Variants in MYO1D observed in about 807,000 individuals in gnomAD.
MYO1D encodes the protein unconventional myosin-Id.
MYO1D carries 83 observed loss-of-function variants against 122.0 expected under a neutral mutation model. That is an observed-to-expected ratio of 0.68 (90% CI 0.57 to 0.82). The LOEUF (loss-of-function observed/expected upper bound fraction) is 0.82, where lower values mean the gene tolerates loss of function less well. Ranked by LOEUF, MYO1D falls within the 40% of genes least tolerant of loss-of-function variation. The probability of loss-of-function intolerance (pLI) is 0.00; values close to 1 mark genes in which losing one functional copy is unlikely to be tolerated. For missense variants in MYO1D, 1,157 were observed against 1,269.5 expected, an observed-to-expected ratio of 0.91 and a Z score of 1.35; for synonymous variants, 464 against 446.9, an observed-to-expected ratio of 1.04 and a Z score of -0.48.
intron 1 of MYO1D, among the ~76,000 whole-genome samples, chr17:32,832,671 A>G (rs1391673315): frequency 6.6e-6 from 1 of 152,224 alleles, no homozygotes; most frequent in Non-Finnish European, 1.5e-5. Flanking sequence ...AGAGCAAGCT[A>G]AGAAAAAATT....
In MYO1D at chr17:32,795,584, G is replaced by A. The variant is rs186467102; in HGVS notation, c.96-14800C>T. Among the ~76,000 whole-genome samples, 300 of 152,188 alleles carry A rather than the reference G, an allele frequency of 2.0e-3. 1 individual carries two copies. The highest frequency in any genetic ancestry group is 3.5e-3 in the Non-Finnish European group (237 of 68,006). Reference sequence around the variant, plus strand: ...ACAATAAAGAAGCTATACAATGTCAGCACATGAATAAATCACCATAGCATT... The same window carrying A: ...ACAATAAAGAAGCTATACAATGTCAACACATGAATAAATCACCATAGCATT... On this transcript the variant is annotated intron_variant, in intron 1 of 21. Coordinates refer to ENST00000318217, the MANE Select transcript of MYO1D (RefSeq NM_015194.3).
rs904841608 is a variant in MYO1D, at chr17:32,849,669, G to T, written c.95+27109C>A. On this transcript the variant is annotated intron_variant, in intron 1 of 21. Coordinates refer to ENST00000318217, the MANE Select transcript of MYO1D (RefSeq NM_015194.3). ...CACACTCTGGGGACTGTTGTGGGGTGGGGGGAGAGGGGAGGGATAGCATTG... is the reference window on the plus strand; with the variant it reads ...CACACTCTGGGGACTGTTGTGGGGTTGGGGGAGAGGGGAGGGATAGCATTG... Among the ~76,000 whole-genome samples, 48 of 151,202 alleles carry T rather than the reference G, an allele frequency of 3.2e-4. 1 individual carries two copies. Among genetic ancestry groups the T allele is most frequent in the Middle Eastern group, 6.8e-3 (2 of 294 alleles).
chr17:32,588,294 A>G (rs1476814342), intron 21 of MYO1D, among the ~76,000 whole-genome samples: 1 of 152,192 alleles, frequency 6.6e-6, no homozygotes, highest in East Asian at 1.9e-4. Context: ...TGGCACTGCT[A>G]TCTGGGAGGA....
intron 16 of MYO1D, among the ~76,000 whole-genome samples, chr17:32,707,597 A>G (rs113130782): frequency 6.6e-5 from 10 of 152,208 alleles, no homozygotes; most frequent in African/African-American, 2.4e-4. Context: ...AGCAGGCCTG[A>G]GACTACTATG....
chr17:32,780,765 A>G lies in MYO1D; in HGVS notation c.115T>C (p.Tyr39His), dbSNP rs199663238. Residue 39 changes from tyrosine (Y) to histidine (H), a missense_variant, in exon 2 of 22, where the codon TAT becomes CAT. By Grantham distance (83) the Tyr-to-His change is moderately conservative. Transcript: ENST00000318217. ...ACGACGACTTCTCCAATGAACGTAT[A>G]GATGCGCCCTTTTTCAAATCTGTAC... ...LRLRFEKGRIYTFIGEVVVSV... is the reference protein window; with the variant it reads ...LRLRFEKGRIHTFIGEVVVSV... 206 of 1,614,074 alleles carry G rather than the reference A, an allele frequency of 1.3e-4. No homozygotes were observed. Among genetic ancestry groups the G allele is most frequent in the Non-Finnish European group, 1.4e-4 (170 of 1,180,032 alleles).
intron 11 of MYO1D, among the ~76,000 whole-genome samples, chr17:32,751,005 G>C (rs1470287114): frequency 6.6e-6 from 1 of 152,096 alleles, no homozygotes; most frequent in African/African-American, 2.4e-5. Flanking sequence ...TACACTAATG[G>C]AACATTCTTA....
intron 1 of MYO1D, among the ~76,000 whole-genome samples, chr17:32,810,728 C>T (rs1019578208): frequency 7.2e-5 from 11 of 152,228 alleles, no homozygotes; most frequent in South Asian, 4.1e-4. Context: ...CTGCCTGCCT[C>T]GGCCTCCCAC....
chr17:32,858,711 T>C (rs1469194623), intron 1 of MYO1D, among the ~76,000 whole-genome samples: 1 of 152,210 alleles, frequency 6.6e-6, no homozygotes. Flanking sequence ...GTAACAATAA[T>C]CTTTTTTTCT....
intron 15 of MYO1D, among the ~76,000 whole-genome samples, chr17:32,718,570 G>A (rs548672134): frequency 2.0e-5 from 3 of 152,076 alleles, no homozygotes; most frequent in East Asian, 1.9e-4. Flanking sequence ...GTGTGGTGAC[G>A]CGCCCCTGTA....
chr17:32,629,811 A>T (rs2087980087), intron 20 of MYO1D, among the ~76,000 whole-genome samples: 1 of 151,980 alleles, frequency 6.6e-6, no homozygotes, highest in South Asian at 2.1e-4. Flanking sequence ...TTTGGAAATG[A>T]GTGGAGTGTG....
At chr17:32,872,633 C>T (rs2151094507) in intron 1 of MYO1D, among the ~76,000 whole-genome samples, 1 of 151,534 alleles carries the variant, frequency 6.6e-6, no homozygotes, top group South Asian at 2.1e-4. Flanking sequence ...TATCCTAACT[C>T]GCAGTAATCC....
chr17:32,629,375 AAAAAAATTAG>A (rs2087972336), intron 20 of MYO1D, among the ~76,000 whole-genome samples: 1 of 152,076 alleles, frequency 6.6e-6, no homozygotes, highest in Non-Finnish European at 1.5e-5. Context: ...GGGCAACTTA[AAAAAAATTAG>A]GAGGTTGGGG....
intron 21 of MYO1D, among the ~76,000 whole-genome samples, chr17:32,577,762 G>C (rs1015793844): frequency 2.7e-5 from 4 of 150,052 alleles, no homozygotes; most frequent in Admixed American, 2.7e-4. Flanking sequence ...CTTTTGAGAC[G>C]GAGTCTTGCT....
intron 21 of MYO1D, among the ~76,000 whole-genome samples, chr17:32,526,764 C>T (rs1033272084): frequency 4.6e-5 from 7 of 152,328 alleles, no homozygotes; most frequent in East Asian, 3.9e-4. Flanking sequence ...GCAGTTCTCC[C>T]GCTTCAGCTT....
rs191653244 is a variant in MYO1D at position 32,827,544 on chromosome 17, G to T, written c.96-46760C>A. On this transcript the variant is annotated intron_variant, in intron 1 of 21. Transcript: ENST00000318217. Reference sequence around the variant, plus strand: ...GAAATACTGAACTGTACACTTAAAAGTGGCTAAAATGGTAATTTTATGTTA... The same window carrying T: ...GAAATACTGAACTGTACACTTAAAATTGGCTAAAATGGTAATTTTATGTTA... Among the ~76,000 whole-genome samples, 430 of 152,246 alleles carry T rather than the reference G, an allele frequency of 2.8e-3. 4 individuals carry two copies. Among genetic ancestry groups the T allele is most frequent in the African/African-American group, 8.7e-3 (363 of 41,536 alleles).
intron 1 of MYO1D, among the ~76,000 whole-genome samples, chr17:32,840,901 T>C (rs1386536511): frequency 6.6e-6 from 1 of 152,320 alleles, no homozygotes; most frequent in Middle Eastern, 3.4e-3. Context: ...GCAAAAGTGA[T>C]ACACATTCAG....
intron 8 of MYO1D, among the ~76,000 whole-genome samples, chr17:32,762,202 C>T (rs2090008580): frequency 6.6e-6 from 1 of 151,872 alleles, no homozygotes; most frequent in Non-Finnish European, 1.5e-5. Flanking sequence ...CAGATGTGCA[C>T]AGGCCCTGTG....
chr17:32,689,693 C>T (rs2089068538), intron 16 of MYO1D, among the ~76,000 whole-genome samples: 2 of 151,826 alleles, frequency 1.3e-5, no homozygotes, highest in South Asian at 2.1e-4. Context: ...GTTAAAATAT[C>T]GTCATTATTA....
chr17:32,669,313 G>A (rs111954163), intron 16 of MYO1D, among the ~76,000 whole-genome samples: 7 of 152,250 alleles, frequency 4.6e-5, no homozygotes, highest in African/African-American at 9.6e-5. Context: ...ACATCGAGAT[G>A]AGTCTACATA....
Sources: allele counts gnomAD v4.1 joint callset (sites outside exome capture counted in the v4.1 genomes callset), GRCh38; gene constraint gnomAD v4.1.1; transcripts MANE v1.5; gene names NCBI Gene and HGNC (gene_info 2026-07-23, HGNC 2026-07-21).